Variants in PCNX2 observed in about 807,000 individuals in gnomAD.
The protein encoded by PCNX2 is pecanex 2, also known as pecanex-like protein 2.
In PCNX2, 168 loss-of-function variants were observed where a neutral mutation model predicts 223.8. The ratio of observed to expected loss-of-function variants is 0.75; its 90% confidence interval spans 0.66 to 0.85. The LOEUF is 0.85. PCNX2 is among the 40% of genes least tolerant of loss of function. PCNX2 has a pLI of 0.00. For synonymous variants in PCNX2, 1,006 were observed against 1,052.6 expected (o/e 0.96, Z 0.86); for missense variants, 2,507 against 2,675.5 (o/e 0.94, Z 1.39).
chr1:233,154,871 C>T (rs1331349839), intron 19 of PCNX2, among the ~76,000 whole-genome samples: 1 of 152,036 alleles, frequency 6.6e-6, no homozygotes, highest in African/African-American at 2.4e-5. Context: ...GATTTCGAGA[C>T]CAGCCTGGCC....
intron 21 of PCNX2, among the ~76,000 whole-genome samples, chr1:233,125,569 G>A (rs943555495): frequency 1.3e-5 from 2 of 152,164 alleles, no homozygotes; most frequent in African/African-American, 4.8e-5. Flanking sequence ...TGAAATTCCA[G>A]GGGTGGGCAG....
At chr1:233,038,285 G>A (rs1671526674) in intron 25 of PCNX2, among the ~76,000 whole-genome samples, 1 of 152,168 alleles carries the variant, frequency 6.6e-6, no homozygotes, top group Non-Finnish European at 1.5e-5. Flanking sequence ...TGAGTGATAT[G>A]ATTTCCCCCT....
At chr1:233,309,650 G>T in the PCNX2 span, among the ~76,000 whole-genome samples, 1 of 151,954 alleles carries the variant, frequency 6.6e-6, no homozygotes, top group Non-Finnish European at 1.5e-5. Flanking sequence ...GGCTGAGGAG[G>T]GCGGATCCCC....
At chr1:233,122,753 C>T (rs1675877015) in intron 21 of PCNX2, among the ~76,000 whole-genome samples, 1 of 152,076 alleles carries the variant, frequency 6.6e-6, no homozygotes, top group African/African-American at 2.4e-5. Context: ...GAACTCCTGA[C>T]CTCAGGTGAT....
chr1:233,106,509 C>T (rs1021624312), intron 21 of PCNX2, among the ~76,000 whole-genome samples: 2 of 152,012 alleles, frequency 1.3e-5, no homozygotes, highest in African/African-American at 4.8e-5. Context: ...CGTGCCACCA[C>T]ACCTGGCTAA....
At chr1:233,098,122 G>A (rs1202166856) in intron 21 of PCNX2, among the ~76,000 whole-genome samples, 3 of 152,176 alleles carry the variant, frequency 2.0e-5, no homozygotes, top group African/African-American at 4.8e-5. Context: ...TACCTCATAT[G>A]ATGTATTGCC....
Position 233,095,834 on chromosome 1 carries a change from G to A in PCNX2, c.3867C>T (p.Phe1289=), listed in dbSNP as rs1444491564. ...GCCAAGGAGCCACATATGTCAGGAC[G>A]AACTGTAACTTGTGAAGCAGGTCCC... is the stretch of plus-strand genomic sequence containing the variant. The part of the protein sequence containing the change: ...KLGDLLHKLQ[F]VLTYVAPWQM... The change falls in exon 22 of 34, where the codon TTC becomes TTT. Residue 1289 remains phenylalanine (F), a synonymous_variant. Coordinates refer to ENST00000258229, the MANE Select transcript of PCNX2 (RefSeq NM_014801.4). 9.9e-6 allele frequency: 16 copies of A among 1,611,488 alleles called. 1 individual carries two copies. The highest frequency in any genetic ancestry group is 5.5e-5 in the South Asian group (5 of 90,402).
chr1:233,235,221 T>G (rs1658314139), intron 9 of PCNX2, among the ~76,000 whole-genome samples: 2 of 152,156 alleles, frequency 1.3e-5, no homozygotes, highest in East Asian at 1.9e-4. Flanking sequence ...ACTGATTCTT[T>G]GAATAAATTA....
chr1:233,234,350 C>A (rs941679297), intron 9 of PCNX2, among the ~76,000 whole-genome samples: 1 of 152,060 alleles, frequency 6.6e-6, no homozygotes, highest in Non-Finnish European at 1.5e-5. Context: ...TAAACATGAG[C>A]CTGGTTAGCA....
At chr1:233,083,378 G>C (rs1673450658) in intron 23 of PCNX2, among the ~76,000 whole-genome samples, 1 of 152,176 alleles carries the variant, frequency 6.6e-6, no homozygotes, top group Non-Finnish European at 1.5e-5. Context: ...GTGTCAGCAG[G>C]GGTATCCAGG....
chr1:233,166,684 A>G (rs181443565), intron 17 of PCNX2, among the ~76,000 whole-genome samples: 34 of 152,320 alleles, frequency 2.2e-4, no homozygotes, highest in Non-Finnish European at 3.7e-4. Context: ...TGCTGAAAAT[A>G]CCATCAGCAA....
intron 17 of PCNX2, among the ~76,000 whole-genome samples, chr1:233,166,381 G>GA (rs1678796372): frequency 6.6e-6 from 1 of 151,252 alleles, no homozygotes; most frequent in South Asian, 2.1e-4. Flanking sequence ...AACTATAAAA[G>GA]AAAAAATTAA....
rs11388168 is a variant in PCNX2, at chr1:233,150,748, A to ATT, written c.3517+9533_3517+9534dup. The stretch of plus-strand genomic sequence containing the variant: ...TCATTTCCCCAAAACCATCCCATTG[A>ATT]TTTTTTTTTCATTAGTTCAGTGGGA... On this transcript the variant is annotated intron_variant, in intron 19 of 33. Transcript: ENST00000258229. Among the ~76,000 whole-genome samples, 86 of 151,290 alleles carry ATT rather than the reference A, an allele frequency of 5.7e-4. 1 individual carries two copies. The highest frequency in any genetic ancestry group is 2.0e-3 in the African/African-American group (81 of 41,178).
chr1:233,142,397 C>T (rs1677183450), intron 19 of PCNX2, among the ~76,000 whole-genome samples: 2 of 152,284 alleles, frequency 1.3e-5, no homozygotes, highest in African/African-American at 2.4e-5. Context: ...CATTTATACT[C>T]ATATCTACTA....
rs185764769 is a variant in PCNX2 at position 233,073,828 on chromosome 1, G to C, written c.4076+16233C>G. On this transcript the variant is annotated intron_variant, in intron 23 of 33. Transcript: ENST00000258229. ...ACCCATCTATCACTATGTTGCCCAG[G>C]CTGGTGGTATTAAACTTTTGACCTC... is the stretch of plus-strand genomic sequence containing the variant. 6.6e-3 allele frequency among the ~76,000 whole-genome samples: 1,001 copies of C among 152,134 alleles called. 4 individuals carry two copies. The highest frequency in any genetic ancestry group is 0.011 in the Non-Finnish European group (721 of 67,990).
At chr1:233,270,204 T>A (rs1302281660) in intron 1 of PCNX2, among the ~76,000 whole-genome samples, 1 of 152,172 alleles carries the variant, frequency 6.6e-6, no homozygotes, top group Non-Finnish European at 1.5e-5. Context: ...AAAAAGCACA[T>A]GACAGAGAAG....
upstream of PCNX2, among the ~76,000 whole-genome samples, chr1:233,297,297 T>A (rs1319830920): frequency 6.6e-6 from 1 of 152,230 alleles, no homozygotes; most frequent in Non-Finnish European, 1.5e-5. Context: ...GTCAAGCATT[T>A]TGCAGAAGAC....
At position 233,027,041 on chromosome 1, in the gene PCNX2, G is replaced by A. The variant is rs146776788; in HGVS notation, c.4352-1642C>T. ...CTGAGAAGTAAACTCTGAGCATTCCGACATTTAAAGGTTGGACAGGTGAAG... is the reference window on the plus strand; with the variant it reads ...CTGAGAAGTAAACTCTGAGCATTCCAACATTTAAAGGTTGGACAGGTGAAG... On this transcript the variant is annotated intron_variant, in intron 25 of 33. Coordinates refer to ENST00000258229, the MANE Select transcript of PCNX2 (RefSeq NM_014801.4). Among the ~76,000 whole-genome samples the A allele has an allele frequency of 1.7e-3, 266 of 152,246 alleles. 1 individual carries two copies. Among genetic ancestry groups the A allele is most frequent in the African/African-American group, 6.1e-3 (254 of 41,534 alleles).
intron 21 of PCNX2, among the ~76,000 whole-genome samples, chr1:233,109,023 C>T (rs2102972930): frequency 6.6e-6 from 1 of 152,304 alleles, no homozygotes; most frequent in South Asian, 2.1e-4. Flanking sequence ...GCAGACTTCA[C>T]TCTGGCAACC....
Sources: gnomAD v4.1 joint callset for allele counts (sites outside exome capture counted in the v4.1 genomes callset) on GRCh38, gnomAD v4.1.1 for gene constraint, MANE v1.5 for transcripts, NCBI Gene and HGNC (gene_info 2026-07-23, HGNC 2026-07-21) for gene names.